The following CUBN variants were observed in gnomAD, a reference collection of about 807,000 sequenced individuals.
CUBN encodes cubilin.
In CUBN, 282 loss-of-function variants were observed where a neutral mutation model predicts 405.3. That is an observed-to-expected ratio of 0.70 (90% CI 0.63 to 0.77). The LOEUF is 0.77. CUBN is among the 30% of genes least tolerant of loss of function. The pLI is 0.00. For synonymous variants in CUBN, 1,684 were observed against 1,617.0 expected (o/e 1.04, Z -0.99); for missense variants, 4,514 against 4,475.2 (o/e 1.01, Z -0.25).
rs1461794060 is a variant in CUBN, at chr10:16,890,531, G to T, written c.8599-4C>A. 6.2e-7 allele frequency: 1 copy of T among 1,614,026 alleles called. No homozygotes were observed. Among genetic ancestry groups the T allele is most frequent in the Admixed American group, 1.7e-5 (1 of 60,008 alleles). ...CCTCCTCAGTTCCTGCCCACACCTA[G>T]CACGGACATACACAGAACTTTAATG... On this transcript the variant is annotated splice_region_variant and splice_polypyrimidine_tract_variant and intron_variant, in intron 54 of 66. Coordinates refer to ENST00000377833, the MANE Select transcript of CUBN (RefSeq NM_001081.4).
intron 58 of CUBN, among the ~76,000 whole-genome samples, chr10:16,873,369 A>C (rs1008329887): frequency 6.6e-6 from 1 of 152,222 alleles, no homozygotes; most frequent in Non-Finnish European, 1.5e-5. Context: ...CTCTCATAGC[A>C]TCAGTTTAGA....
At chr10:17,114,396 C>T (rs1160179246) in intron 7 of CUBN, among the ~76,000 whole-genome samples, 1 of 152,104 alleles carries the variant, frequency 6.6e-6, no homozygotes, top group Non-Finnish European at 1.5e-5. Context: ...AGAGTAAAAG[C>T]AAGCTATAAT....
Position 17,104,503 on chromosome 10 carries a change from C to A in CUBN, c.1333G>T (p.Gly445Ter), listed in dbSNP as rs1333693528. Reference sequence around the variant, plus strand: ...GAATCAACGCCATCAACACAAGTTCCTCCATTCAAACAGGGGTTGCTCAAA... The same window carrying A: ...GAATCAACGCCATCAACACAAGTTCATCCATTCAAACAGGGGTTGCTCAAA... ...ECLSNPCLNG[G>*]TCVDGVDSFS... Residue 445 changes from glycine to a stop codon, truncating the protein, a stop_gained, in exon 12 of 67, where the codon GGA becomes TGA. Coordinates refer to ENST00000377833, the MANE Select transcript of CUBN (RefSeq NM_001081.4). LOFTEE classifies it high-confidence loss of function. 6.2e-7 allele frequency: 1 copy of A among 1,613,894 alleles called. No individual in the cohort carries two copies. The highest frequency in any genetic ancestry group is 2.2e-5 in the East Asian group (1 of 44,874).
chr10:16,833,337 C>T (rs1271656864), intron 64 of CUBN, among the ~76,000 whole-genome samples: 4 of 152,196 alleles, frequency 2.6e-5, no homozygotes, highest in Non-Finnish European at 2.9e-5. Flanking sequence ...CTCTTCATTT[C>T]CTCCCTGCTA....
intron 27 of CUBN, among the ~76,000 whole-genome samples, chr10:17,023,028 G>A (rs1342037310): frequency 6.6e-6 from 1 of 152,194 alleles, no homozygotes; most frequent in African/African-American, 2.4e-5. Context: ...GTCATGAACA[G>A]CATAGCATTT....
At chr10:17,098,799 A>G in intron 14 of CUBN, among the ~76,000 whole-genome samples, 1 of 152,360 alleles carries the variant, frequency 6.6e-6, no homozygotes, top group East Asian at 1.9e-4. Flanking sequence ...AAATTTTAGA[A>G]AATTAATATT....
At chr10:16,902,783 T>G (rs1841432182) in intron 51 of CUBN, among the ~76,000 whole-genome samples, 1 of 152,128 alleles carries the variant, frequency 6.6e-6, no homozygotes, top group African/African-American at 2.4e-5. Flanking sequence ...AAGAGTGAAG[T>G]CTGAGAGGGT....
Position 17,050,377 on chromosome 10 carries a change from T to C in CUBN, c.3140-2774A>G, listed in dbSNP as rs531914532. On this transcript the variant is annotated intron_variant, in intron 22 of 66. Coordinates refer to ENST00000377833, the MANE Select transcript of CUBN (RefSeq NM_001081.4). ...GGCTTTCTACCTGTGCAGAATTTCC[T>C]GACCACAGAAGGGAGCTGAAGTCCA... is the stretch of plus-strand genomic sequence containing the variant. Among the ~76,000 whole-genome samples, 20 of 152,354 alleles carry C rather than the reference T, an allele frequency of 1.3e-4. No individual in the cohort carries two copies. In the South Asian group the frequency reaches 4.1e-3, roughly 32 times the overall value.
intron 59 of CUBN, among the ~76,000 whole-genome samples, chr10:16,864,948 CTTTTTTTTTTTTT>C (rs35045969): frequency 6.0e-5 from 3 of 50,024 alleles, no homozygotes; most frequent in Non-Finnish European, 1.0e-4. Context: ...CCATGCCCAG[CTTTTTTTTTTTTT>C]TTTTTTTTTT....
intron 39 of CUBN, 100 bp from the exon 40 acceptor site, chr10:16,933,384 C>A: frequency 9.8e-7 from 1 of 1,019,210 alleles, no homozygotes; most frequent in Non-Finnish European, 1.5e-6. Flanking sequence ...TGAAAAGAAG[C>A]AACCAATTGA....
intron 59 of CUBN, among the ~76,000 whole-genome samples, chr10:16,853,043 A>G (rs1839766901): frequency 6.6e-6 from 1 of 152,254 alleles, no homozygotes; most frequent in Non-Finnish European, 1.5e-5. Context: ...AAGGAGAGAT[A>G]AAGAATAATC....
intron 28 of CUBN, among the ~76,000 whole-genome samples, chr10:17,012,129 G>A (rs1201586581): frequency 6.6e-6 from 1 of 152,134 alleles, no homozygotes; most frequent in African/African-American, 2.4e-5. Flanking sequence ...AGCTCATTTG[G>A]GGTTCCATTT....
At chr10:16,961,035 G>T (rs760707220) in intron 31 of CUBN, among the ~76,000 whole-genome samples, 55 of 152,180 alleles carry the variant, frequency 3.6e-4, no homozygotes, top group Admixed American at 1.4e-3. Flanking sequence ...CCAGAAGTGA[G>T]AACTAAGCCA....
intron 58 of CUBN, among the ~76,000 whole-genome samples, chr10:16,873,721 CAA>C (rs56307605): frequency 1.7e-4 from 20 of 116,434 alleles, no homozygotes; most frequent in African/African-American, 1.6e-4. Context: ...GACCTTCTCT[CAA>C]AAAAAAAAAA....
At chr10:17,057,264 C>T (rs1835416989) in intron 22 of CUBN, among the ~76,000 whole-genome samples, 3 of 152,038 alleles carry the variant, frequency 2.0e-5, no homozygotes, top group Admixed American at 2.0e-4. Flanking sequence ...CAGCTTGGCG[C>T]AGTTGTGCAG....
At chr10:16,992,462 AT>A (rs1214928199) in intron 28 of CUBN, among the ~76,000 whole-genome samples, 1 of 152,206 alleles carries the variant, frequency 6.6e-6, no homozygotes, top group East Asian at 1.9e-4. Flanking sequence ...TTCACATAAC[AT>A]TAAACTACCA....
chr10:16,999,801 G>A (rs977942664), intron 28 of CUBN, among the ~76,000 whole-genome samples: 2 of 152,146 alleles, frequency 1.3e-5, no homozygotes, highest in Non-Finnish European at 2.9e-5. Context: ...TTGGTACACA[G>A]GGCTCTTGCA....
intron 12 of CUBN, 74 bp downstream of exon 12, chr10:17,104,345 T>C (rs919954560): frequency 3.3e-5 from 45 of 1,371,826 alleles, no homozygotes; most frequent in Admixed American, 5.1e-5. Flanking sequence ...AGCAGAGGAA[T>C]CTGTTGAGGG....
chr10:17,067,563 G>A (rs1835638026), intron 21 of CUBN, among the ~76,000 whole-genome samples: 1 of 152,048 alleles, frequency 6.6e-6, no homozygotes, highest in South Asian at 2.1e-4. Context: ...TCCCTAATGG[G>A]GAGGAAAGAC....
Sources: gnomAD v4.1 joint callset for allele counts (sites outside exome capture counted in the v4.1 genomes callset) on GRCh38, gnomAD v4.1.1 for gene constraint, MANE v1.5 for transcripts, NCBI Gene and HGNC (gene_info 2026-07-23, HGNC 2026-07-21) for gene names.